Variants in BICC1 observed in about 807,000 individuals in gnomAD.
BICC1 encodes the protein protein bicaudal C homolog 1.
BICC1 carries 43 observed loss-of-function variants against 111.0 expected under a neutral mutation model. The observed-to-expected ratio is 0.39, with a 90% CI of 0.30 to 0.50. The LOEUF (loss-of-function observed/expected upper bound fraction) is 0.50, where lower values mean the gene tolerates loss of function less well. Among genes scored for constraint, BICC1 ranks in the 20% least tolerant of loss-of-function variants. The probability of loss-of-function intolerance (pLI) is 0.88; values close to 1 mark genes in which losing one functional copy is unlikely to be tolerated. For missense variants in BICC1, 1,091 were observed against 1,203.2 expected (o/e 0.91, Z 1.38); for synonymous variants, 467 against 434.4 (o/e 1.07, Z -0.93).
intron 15 of BICC1, among the ~76,000 whole-genome samples, chr10:58,806,246 A>T (rs1265326299): frequency 6.6e-6 from 1 of 152,186 alleles, no homozygotes; most frequent in Non-Finnish European, 1.5e-5. Context: ...CATTATTATT[A>T]TTAGGCTGTT....
At chr10:58,718,932 A>G (rs1306628561) in intron 3 of BICC1, among the ~76,000 whole-genome samples, 1 of 151,904 alleles carries the variant, frequency 6.6e-6, no homozygotes, top group African/African-American at 2.4e-5. Context: ...GTTTGGTTTT[A>G]TTTCTATGTG....
At chr10:58,625,938 T>G (rs1342024971) in intron 2 of BICC1, among the ~76,000 whole-genome samples, 1 of 152,224 alleles carries the variant, frequency 6.6e-6, no homozygotes, top group Non-Finnish European at 1.5e-5. Context: ...AGTTTTGGTT[T>G]AATTATTTAA....
At chr10:58,765,875 T>A (rs1306146575) in intron 3 of BICC1, among the ~76,000 whole-genome samples, 1 of 152,194 alleles carries the variant, frequency 6.6e-6, no homozygotes, top group Non-Finnish European at 1.5e-5. Flanking sequence ...TAAAATTTAA[T>A]CAACAAAAGC....
At chr10:58,617,856 T>C (rs1015754723) in intron 1 of BICC1, among the ~76,000 whole-genome samples, 1 of 152,244 alleles carries the variant, frequency 6.6e-6, no homozygotes, top group African/African-American at 2.4e-5. Context: ...GGTAACCTGT[T>C]GTTGCCTGCC....
At chr10:58,636,212 AT>A (rs536941439) in intron 2 of BICC1, among the ~76,000 whole-genome samples, 121 of 152,296 alleles carry the variant, frequency 7.9e-4, no homozygotes, top group African/African-American at 2.8e-3. Flanking sequence ...AAGACCTAGC[AT>A]TTTTAAGTGA....
At chr10:58,763,989 C>T (rs983269751) in intron 3 of BICC1, among the ~76,000 whole-genome samples, 1 of 152,142 alleles carries the variant, frequency 6.6e-6, no homozygotes, top group African/African-American at 2.4e-5. Context: ...TGAAGACTCA[C>T]AGGCATGGAA....
chr10:58,824,476 A>G (rs1844339004), intron 20 of BICC1, among the ~76,000 whole-genome samples: 1 of 152,158 alleles, frequency 6.6e-6, no homozygotes, highest in African/African-American at 2.4e-5. Flanking sequence ...AGGCGTTTAC[A>G]TTTTGGAAGG....
At chr10:58,683,383 T>C (rs1324059345) in intron 2 of BICC1, among the ~76,000 whole-genome samples, 2 of 152,110 alleles carry the variant, frequency 1.3e-5, no homozygotes, top group East Asian at 3.9e-4. Flanking sequence ...TTTGGATCCA[T>C]ATGAACTTTA....
At chr10:58,810,587 T>A (rs867396675) in intron 17 of BICC1, among the ~76,000 whole-genome samples, 5 of 152,138 alleles carry the variant, frequency 3.3e-5, no homozygotes, top group Non-Finnish European at 7.4e-5. Context: ...TGGTCTGATT[T>A]TCTGCAGCAG....
chr10:58,752,365 G>A (rs559436794), intron 3 of BICC1, among the ~76,000 whole-genome samples: 9 of 152,194 alleles, frequency 5.9e-5, no homozygotes, highest in African/African-American at 1.7e-4. Flanking sequence ...CTTGCAAAAC[G>A]TCTCAGTAGA....
intron 1 of BICC1, among the ~76,000 whole-genome samples, chr10:58,579,480 G>A (rs548055729): frequency 2.0e-5 from 3 of 152,086 alleles, no homozygotes; most frequent in Non-Finnish European, 2.9e-5. Context: ...AACAATCCAC[G>A]TGTCACCATG....
intron 17 of BICC1, among the ~76,000 whole-genome samples, chr10:58,810,649 A>G (rs1589162531): frequency 6.6e-6 from 1 of 152,120 alleles, no homozygotes; most frequent in South Asian, 2.1e-4. Context: ...AGGATCAGAA[A>G]TAGGGCATCC....
chr10:58,657,716 A>T (rs1390189302), intron 2 of BICC1, among the ~76,000 whole-genome samples: 1 of 152,180 alleles, frequency 6.6e-6, no homozygotes, highest in East Asian at 1.9e-4. Context: ...TAACATTTCC[A>T]CTTTTGAATT....
At chr10:58,572,329 A>G (rs1658420) in intron 1 of BICC1, among the ~76,000 whole-genome samples, 69,885 of 151,912 alleles carry the variant, frequency 0.46, 17,093 homozygotes, top group Admixed American at 0.62. Flanking sequence ...CTTTAGTTTA[A>G]TTAGATCCCA....
intron 1 of BICC1, among the ~76,000 whole-genome samples, chr10:58,619,579 A>G (rs1171572366): frequency 1.3e-5 from 2 of 151,178 alleles, no homozygotes; most frequent in South Asian, 2.1e-4. Context: ...GGTTCAAGCA[A>G]TTCTCCTGCC....
intron 2 of BICC1, among the ~76,000 whole-genome samples, chr10:58,680,391 G>C (rs1839480913): frequency 6.6e-6 from 1 of 152,006 alleles, no homozygotes; most frequent in Non-Finnish European, 1.5e-5. Flanking sequence ...GCCAATAACA[G>C]ACAGCCAAAT....
At chr10:58,743,775 T>C (rs1365230658) in intron 3 of BICC1, among the ~76,000 whole-genome samples, 1 of 36,572 alleles carries the variant, frequency 2.7e-5, no homozygotes, top group Non-Finnish European at 5.0e-5. Flanking sequence ...TAGTTTTCTT[T>C]TCTTTTTTTT....
chr10:58,708,416 G>T (rs558316435), intron 3 of BICC1, among the ~76,000 whole-genome samples: 2 of 152,144 alleles, frequency 1.3e-5, no homozygotes, highest in African/African-American at 4.8e-5. Context: ...CCTGAGGTTC[G>T]TTGTCTCATG....
chr10:58,735,926 C>A (rs1841452637), intron 3 of BICC1, among the ~76,000 whole-genome samples: 1 of 152,174 alleles, frequency 6.6e-6, no homozygotes. Context: ...TCAGTGTTCC[C>A]ATCTCACATG....
Sources: allele counts gnomAD v4.1 joint callset (sites outside exome capture counted in the v4.1 genomes callset), GRCh38; gene constraint gnomAD v4.1.1; transcripts MANE v1.5; gene names NCBI Gene and HGNC (gene_info 2026-07-23, HGNC 2026-07-21).